RPS6KC1: variants seen among roughly 807,000 people sequenced by gnomAD.
The protein encoded by RPS6KC1 is ribosomal protein S6 kinase C1, also known as inactive ribosomal protein S6 kinase delta-1.
Under a neutral mutation model 103.8 loss-of-function variants are expected in RPS6KC1, and 54 were observed. The observed-to-expected ratio is 0.52, with a 90% confidence interval of 0.42 to 0.65. The LOEUF (loss-of-function observed/expected upper bound fraction) is 0.65. Among genes scored for constraint, RPS6KC1 ranks in the 30% least tolerant of loss-of-function variants. RPS6KC1 has a pLI of 0.00. For synonymous variants in RPS6KC1, 439 were observed against 438.7 expected (o/e 1.00, Z -0.01); for missense variants, 1,151 against 1,253.8 (o/e 0.92, Z 1.24).
chr1:213,817,668 A>G, the RPS6KC1 span: 88 of 152,308 alleles, frequency 5.8e-4, no homozygotes, highest in African/African-American at 2.0e-3. Flanking sequence ...CCAGAGTTCT[A>G]CCATTTACTA....
At chr1:213,216,197 TG>T (rs2093654254) in intron 8 of RPS6KC1, among the ~76,000 whole-genome samples, 1 of 151,756 alleles carries the variant, frequency 6.6e-6, no homozygotes, top group South Asian at 2.1e-4. Context: ...ACCAAGCAAA[TG>T]GAAAACAAAA....
chr1:213,086,721 T>TGA (rs1337074955), intron 3 of RPS6KC1, among the ~76,000 whole-genome samples: 1 of 152,212 alleles, frequency 6.6e-6, no homozygotes, highest in East Asian at 1.9e-4. Flanking sequence ...CATCTAAGCT[T>TGA]TTTTCAACAG....
chr1:213,839,162 G>A, the RPS6KC1 span, among the ~76,000 whole-genome samples: 1 of 152,152 alleles, frequency 6.6e-6, no homozygotes, highest in Non-Finnish European at 1.5e-5. Context: ...ATCCTATGTT[G>A]TAACTGAATA....
At chr1:213,434,981 C>A in the RPS6KC1 span, among the ~76,000 whole-genome samples, 1 of 152,070 alleles carries the variant, frequency 6.6e-6, no homozygotes, top group Non-Finnish European at 1.5e-5. Flanking sequence ...TCTCTTTCTG[C>A]CTCCTCTTCT....
At chr1:213,715,903 C>T in the RPS6KC1 span, among the ~76,000 whole-genome samples, 1 of 152,166 alleles carries the variant, frequency 6.6e-6, no homozygotes, top group African/African-American at 2.4e-5. Flanking sequence ...CCAAATGCCC[C>T]TCTCAAGATT....
chr1:213,548,829 A>G, the RPS6KC1 span, among the ~76,000 whole-genome samples: 1 of 152,228 alleles, frequency 6.6e-6, no homozygotes, highest in African/African-American at 2.4e-5. Flanking sequence ...GGAACTGTAC[A>G]TATATGCTTT....
chr1:213,671,096 C>G, the RPS6KC1 span, among the ~76,000 whole-genome samples: 1 of 152,290 alleles, frequency 6.6e-6, no homozygotes, highest in East Asian at 1.9e-4. Flanking sequence ...CGGTTCCAAC[C>G]AGACTTTTTT....
chr1:213,155,744 G>T (rs751766420), intron 6 of RPS6KC1, among the ~76,000 whole-genome samples: 2 of 152,016 alleles, frequency 1.3e-5, no homozygotes, highest in Non-Finnish European at 2.9e-5. Flanking sequence ...CCTGATTTTT[G>T]GTTCTTATGA....
chr1:213,184,988 G>GAAGT (rs2092456300), intron 8 of RPS6KC1, among the ~76,000 whole-genome samples: 1 of 152,156 alleles, frequency 6.6e-6, no homozygotes, highest in Non-Finnish European at 1.5e-5. Flanking sequence ...TTCTGAAAAT[G>GAAGT]TCAGTAGGCC....
At chr1:213,767,718 C>G in the RPS6KC1 span, among the ~76,000 whole-genome samples, 1 of 152,210 alleles carries the variant, frequency 6.6e-6, no homozygotes, top group South Asian at 2.1e-4. Context: ...ATAAATGCTA[C>G]TTAATTTCAG....
the RPS6KC1 span, among the ~76,000 whole-genome samples, chr1:213,293,385 A>AC: frequency 6.6e-6 from 1 of 151,294 alleles, no homozygotes; most frequent in Non-Finnish European, 1.5e-5. Context: ...CTTTCTCTCT[A>AC]CCCCCATTAT....
the RPS6KC1 span, among the ~76,000 whole-genome samples, chr1:213,806,594 A>T: frequency 4.1e-3 from 586 of 143,038 alleles, 3 homozygotes; most frequent in Non-Finnish European, 7.1e-3. Flanking sequence ...AGAGACTAGG[A>T]TTGCAACCCC....
At chr1:213,538,706 C>T in the RPS6KC1 span, among the ~76,000 whole-genome samples, 17 of 152,180 alleles carry the variant, frequency 1.1e-4, no homozygotes, top group Non-Finnish European at 1.6e-4. Context: ...CAGTACCCAT[C>T]GAGTACGAGT....
the RPS6KC1 span, among the ~76,000 whole-genome samples, chr1:213,449,197 C>T: frequency 2.6e-5 from 4 of 152,280 alleles, no homozygotes; most frequent in East Asian, 1.9e-4. Flanking sequence ...CCAGTGGAGT[C>T]GTTTTAGGCT....
chr1:213,219,468 A>T (rs962291115), intron 8 of RPS6KC1, among the ~76,000 whole-genome samples: 2 of 152,232 alleles, frequency 1.3e-5, no homozygotes, highest in Admixed American at 6.5e-5. Flanking sequence ...TCAGGGATCT[A>T]GAACTAGAAA....
the RPS6KC1 span, among the ~76,000 whole-genome samples, chr1:213,533,964 A>G: frequency 6.6e-6 from 1 of 152,248 alleles, no homozygotes; most frequent in Non-Finnish European, 1.5e-5. Context: ...TGAAGGTCTC[A>G]TCCAGGCAGA....
chr1:213,859,002 A>G, the RPS6KC1 span, among the ~76,000 whole-genome samples: 1 of 152,200 alleles, frequency 6.6e-6, no homozygotes, highest in Non-Finnish European at 1.5e-5. Context: ...TGCCATCTGC[A>G]TCGTTTCTCA....
the RPS6KC1 span, among the ~76,000 whole-genome samples, chr1:213,809,107 T>G: frequency 6.6e-6 from 1 of 152,208 alleles, no homozygotes; most frequent in Non-Finnish European, 1.5e-5. Flanking sequence ...TTCTAGCTTT[T>G]GATTTAAAGT....
intron 3 of RPS6KC1, among the ~76,000 whole-genome samples, chr1:213,092,325 G>GTATGGA (rs1293787946): frequency 6.6e-6 from 1 of 152,196 alleles, no homozygotes; most frequent in African/African-American, 2.4e-5. Context: ...ATCTGTGATT[G>GTATGGA]TATGGATGTG....
Sources: gnomAD v4.1 joint callset for allele counts (sites outside exome capture counted in the v4.1 genomes callset) on GRCh38, gnomAD v4.1.1 for gene constraint, MANE v1.5 for transcripts, NCBI Gene and HGNC (gene_info 2026-07-23, HGNC 2026-07-21) for gene names.